KDM6A: variants seen among roughly 807,000 people sequenced by gnomAD.
KDM6A encodes lysine-specific demethylase 6A.
KDM6A carries 11 observed loss-of-function variants against 117.6 expected under a neutral mutation model. That is an observed-to-expected ratio of 0.09 (90% confidence interval 0.06 to 0.15). The LOEUF (loss-of-function observed/expected upper bound fraction) is 0.15, where lower values mean the gene tolerates loss of function less well. Among genes scored for constraint, KDM6A ranks in the 10% least tolerant of loss-of-function variants. The pLI is 1.00. For synonymous variants in KDM6A, 384 were observed against 396.1 expected (o/e 0.97, Z 0.36); for missense variants, 799 against 1,077.3 (o/e 0.74, Z 3.62).
At chrX:44,993,627 T>C (rs1383897731) in intron 4 of KDM6A, among the ~76,000 whole-genome samples, 1 of 111,602 alleles carries the variant, frequency 9.0e-6, no homozygotes, top group East Asian at 2.8e-4. Context: ...TAATGTCTTT[T>C]AAAAGCTCTC....
chrX:45,107,902 G>A lies in KDM6A; in HGVS notation c.4161+366G>A, dbSNP rs185766876. 2.2e-4 allele frequency among the ~76,000 whole-genome samples: 25 copies of A among 111,835 alleles called. 1 individual carries two copies. In the Admixed American group the frequency reaches 2.3e-3, roughly 10 times the overall value. ...AGATCGATTATCAGTCCTCTCTGGT[G>A]CAATTAACAATACATTTGTCAATCT... On this transcript the variant is annotated intron_variant, in intron 28 of 29. Coordinates refer to ENST00000611820, the MANE Select transcript of KDM6A (RefSeq NM_001291415.2).
Position 45,069,888 on chromosome X carries a change from G to A in KDM6A, c.2389G>A (p.Glu797Lys), listed in dbSNP as rs2044738301. The change falls in exon 18 of 30, where the codon GAG (glutamate) becomes AAG (lysine). Residue 797 changes from glutamate (E) to lysine (K), a missense_variant. Physicochemically the swap from Glu to Lys is moderately conservative, Grantham distance 56 (BLOSUM62 1). Transcript: ENST00000611820. Reference sequence around the variant, plus strand: ...GACACCTAACAGCACTGCCAGTGTCGAGGGACTTCCTAATCATGTCCATCA... The same window carrying A: ...GACACCTAACAGCACTGCCAGTGTCAAGGGACTTCCTAATCATGTCCATCA... ...GETPNSTASV[E>K]GLPNHVHQMT... is the part of the protein sequence containing the mutation. 5.8e-6 allele frequency: 7 copies of A among 1,211,272 alleles called. No homozygotes were observed. The highest frequency in any genetic ancestry group is 1.7e-5 in the African/African-American group (1 of 57,808).
intron 2 of KDM6A, among the ~76,000 whole-genome samples, chrX:44,895,079 T>C (rs1653942943): frequency 1.9e-5 from 1 of 53,842 alleles, no homozygotes; most frequent in Non-Finnish European, 2.9e-5. Flanking sequence ...TTTTATTTTA[T>C]TTATTTATTT....
At chrX:44,961,456 T>A in intron 3 of KDM6A, 64 bp downstream of exon 3, 2 of 772,221 alleles carry the variant, frequency 2.6e-6, no homozygotes, top group Non-Finnish European at 3.9e-6. Flanking sequence ...TTATTTGTGC[T>A]TTATCAAGAG....
At chrX:45,064,251 G>T (rs2044434528) in intron 17 of KDM6A, among the ~76,000 whole-genome samples, 1 of 111,803 alleles carries the variant, frequency 8.9e-6, no homozygotes, top group Admixed American at 9.5e-5. Context: ...TGTGACTTTG[G>T]TGGGAAAGTT....
intron 8 of KDM6A, among the ~76,000 whole-genome samples, chrX:45,042,310 A>G (rs1320414561): frequency 1.1e-5 from 1 of 88,357 alleles, no homozygotes. Context: ...GGAGAGGGAG[A>G]GTCATTTGAT....
At chrX:44,991,955 T>C (rs780286616) in intron 4 of KDM6A, among the ~76,000 whole-genome samples, 2 of 110,835 alleles carry the variant, frequency 1.8e-5, no homozygotes, top group South Asian at 7.5e-4. Context: ...TCTCAGAGTG[T>C]TGGGATTACA....
intron 17 of KDM6A, among the ~76,000 whole-genome samples, chrX:45,065,930 A>G (rs530215725): frequency 8.9e-6 from 1 of 112,009 alleles, no homozygotes; most frequent in African/African-American, 3.2e-5. Flanking sequence ...GGTCATATAA[A>G]GTGAGGACTG....
At chrX:45,077,167 A>G (rs2045165514) in intron 19 of KDM6A, among the ~76,000 whole-genome samples, 1 of 110,320 alleles carries the variant, frequency 9.1e-6, no homozygotes, top group South Asian at 3.8e-4. Context: ...GGACCTTAAC[A>G]TTCATTCTGT....
rs747505929 is a variant in KDM6A, at chrX:45,063,776, G to C, written c.2038G>C (p.Ala680Pro). ...PHNRTNLTSS[A>P]EEPWKNQLSN... ...TAACCGCACAAACCTGACCAGCAGC[G>C]CAGAGGAGCCGTGGAAAAACCAACT... Residue 680 changes from alanine to proline, a missense_variant, in exon 17 of 30, where the codon GCA becomes CCA. Physicochemically the swap from Ala to Pro is conservative, Grantham distance 27 (BLOSUM62 -1). Coordinates refer to ENST00000611820, the MANE Select transcript of KDM6A (RefSeq NM_001291415.2). 6 of 1,203,573 alleles carry C rather than the reference G, an allele frequency of 5.0e-6. No individual in the cohort carries two copies. Among genetic ancestry groups the C allele is most frequent in the Non-Finnish European group, 5.6e-6 (5 of 891,671 alleles).
intron 3 of KDM6A, 63 bp from the exon 4 acceptor site, chrX:44,974,603 G>A (rs1180341600): frequency 1.3e-6 from 1 of 758,215 alleles, no homozygotes; most frequent in African/African-American, 2.1e-5. Context: ...TACCGTGTTT[G>A]TTAAGTGTAT....
intron 5 of KDM6A, among the ~76,000 whole-genome samples, chrX:45,014,972 A>G (rs1293494180): frequency 3.6e-5 from 4 of 112,487 alleles, no homozygotes; most frequent in Non-Finnish European, 5.6e-5. Context: ...AGGAAATGTG[A>G]TAATTATTAC....
chrX:45,052,080 T>C lies in KDM6A; in HGVS notation c.748+278T>C, dbSNP rs745717134. On this transcript the variant is annotated intron_variant, in intron 9 of 29. Transcript: ENST00000611820. ...GAATACTTCGTTTGTGCCAGATATA[T>C]GCTTAAGCACTTAATGAAGTTGTGA... Among the ~76,000 whole-genome samples, 3 of 112,379 alleles carry C rather than the reference T, an allele frequency of 2.7e-5. No homozygotes were observed. The South Asian group carries it at 1.1e-3, about 41-fold the overall frequency.
rs2148305381 is a variant in KDM6A at position 45,110,122 on chromosome X, C to T, written c.4205C>T (p.Ser1402Leu). The T allele has an allele frequency of 8.3e-7, 1 of 1,209,756 alleles. No homozygotes were observed. Among genetic ancestry groups the T allele is most frequent in the Non-Finnish European group, 1.1e-6 (1 of 893,965 alleles). Residue 1402 changes from serine (S) to leucine (L), a missense_variant, in exon 29 of 30, where the codon TCA becomes TTA. By Grantham distance (145) the Ser-to-Leu change is moderately radical. This residue lies in a region of KDM6A where 291 missense variants were observed against 437.9 expected (regional missense o/e 0.66). Coordinates refer to ENST00000611820, the MANE Select transcript of KDM6A (RefSeq NM_001291415.2). The part of the protein sequence containing the change: ...DLLFVTNESN[S>L]RKTYIVHCQD... ...CTTTTTGTCACTAATGAGAGTAATTCACGAAAGACCTACATAGTACATTGC... is the reference window on the plus strand; with the variant it reads ...CTTTTTGTCACTAATGAGAGTAATTTACGAAAGACCTACATAGTACATTGC...
chrX:45,110,309 T>C, intron 29 of KDM6A, 60 bp downstream of exon 29: 1 of 997,201 alleles, frequency 1.0e-6, no homozygotes, highest in East Asian at 3.0e-5. Context: ...CAGTGTTTGC[T>C]CTGCCACCTG....
intron 3 of KDM6A, among the ~76,000 whole-genome samples, chrX:44,966,324 T>G (rs866788078): frequency 4.2e-4 from 46 of 109,635 alleles, no homozygotes; most frequent in Non-Finnish European, 4.0e-4. Context: ...GTACTTTTTT[T>G]AGAGACAGAG....
At chrX:44,903,598 TC>T in intron 2 of KDM6A, among the ~76,000 whole-genome samples, 1 of 111,412 alleles carries the variant, frequency 9.0e-6, no homozygotes, top group African/African-American at 3.3e-5. Context: ...TGCTCAGGTT[TC>T]TGAGACTCTG....
chrX:44,910,510 T>TC (rs1423573236), intron 2 of KDM6A, among the ~76,000 whole-genome samples: 1 of 108,045 alleles, frequency 9.3e-6, no homozygotes, highest in African/African-American at 3.4e-5. Context: ...TTCATTTTTT[T>TC]TTTTTTTAAT....
In KDM6A at chrX:45,003,814, CCT is replaced by C. The variant is rs1248961778; in HGVS notation, c.385-7136_385-7135del. Among the ~76,000 whole-genome samples, 7 of 104,083 alleles carry C rather than the reference CCT, an allele frequency of 6.7e-5. No individual in the cohort carries two copies. The East Asian group carries it at 1.2e-3, about 18-fold the overall frequency. 90.4% of individuals were successfully genotyped at this position (104,083 alleles called of 115,157 possible). A position where few individuals can be genotyped will look rare whatever the true frequency, so the allele number is the denominator to read the frequency against. ...CTCCCTCTTTGTCTCTCTGTCTCTT[CCT>C]CTCTCTCTCTGCCTTTTTTTCCTCT... On this transcript the variant is annotated intron_variant, in intron 4 of 29. Transcript: ENST00000611820.
Sources: allele counts gnomAD v4.1 joint callset (sites outside exome capture counted in the v4.1 genomes callset), GRCh38; gene constraint gnomAD v4.1.1; regional missense constraint gnomAD v4.1.1; transcripts MANE v1.5; gene names NCBI Gene and HGNC (gene_info 2026-07-23, HGNC 2026-07-21).